The following MYO1B variants were observed in gnomAD, a reference collection of about 807,000 sequenced individuals.
The protein encoded by MYO1B is myosin IB.
Under a neutral mutation model 159.7 loss-of-function variants are expected in MYO1B, and 72 were observed. The ratio of observed to expected loss-of-function variants is 0.45; its 90% CI spans 0.37 to 0.55. The LOEUF (loss-of-function observed/expected upper bound fraction) is 0.55. Among genes scored for constraint, MYO1B ranks in the 20% least tolerant of loss-of-function variants. MYO1B has a pLI of 0.00. For synonymous variants in MYO1B, 468 were observed against 473.8 expected (o/e 0.99, Z 0.16); for missense variants, 1,062 against 1,364.8 (o/e 0.78, Z 3.50).
intron 3 of MYO1B, among the ~76,000 whole-genome samples, chr2:191,307,124 G>GTT (rs1689694324): frequency 1.3e-5 from 2 of 152,190 alleles, no homozygotes; most frequent in Non-Finnish European, 2.9e-5. Context: ...AGGGCTGCTG[G>GTT]TTGCCCATTT....
chr2:191,388,465 A>AG (rs1300018967), intron 17 of MYO1B, among the ~76,000 whole-genome samples: 15 of 152,200 alleles, frequency 9.9e-5, no homozygotes, highest in African/African-American at 3.6e-4. Flanking sequence ...GCACACCCAT[A>AG]CCCACAAGTA....
intron 3 of MYO1B, among the ~76,000 whole-genome samples, chr2:191,300,833 T>C (rs1479020001): frequency 6.6e-6 from 1 of 152,048 alleles, no homozygotes; most frequent in Non-Finnish European, 1.5e-5. Context: ...CAGATACTTT[T>C]GTAATTCATA....
intron 4 of MYO1B, among the ~76,000 whole-genome samples, chr2:191,339,040 G>A (rs1243128470): frequency 2.0e-5 from 3 of 152,146 alleles, no homozygotes; most frequent in Non-Finnish European, 2.9e-5. Flanking sequence ...GGTGGGGATG[G>A]GGAACAAAGA....
At chr2:191,349,614 T>G (rs1692784969) in intron 6 of MYO1B, among the ~76,000 whole-genome samples, 1 of 152,246 alleles carries the variant, frequency 6.6e-6, no homozygotes, top group South Asian at 2.1e-4. Context: ...ATATTGCTAT[T>G]ATAATCTGGG....
At chr2:191,274,289 T>C (rs1348339853) in intron 1 of MYO1B, among the ~76,000 whole-genome samples, 2 of 152,236 alleles carry the variant, frequency 1.3e-5, no homozygotes, top group African/African-American at 2.4e-5. Context: ...TTTTGCACTC[T>C]ATTCCTCTTT....
intron 23 of MYO1B, among the ~76,000 whole-genome samples, chr2:191,401,272 T>C (rs1286258458): frequency 6.6e-6 from 1 of 152,238 alleles, no homozygotes; most frequent in Non-Finnish European, 1.5e-5. Flanking sequence ...CTTAAAAATA[T>C]TAATTTATGA....
chr2:191,331,242 T>C (rs1236463706), intron 4 of MYO1B, among the ~76,000 whole-genome samples: 2 of 149,936 alleles, frequency 1.3e-5, no homozygotes, highest in Admixed American at 6.6e-5. Context: ...AGGACTGGCA[T>C]GTAAGAGCCT....
At chr2:191,308,491 G>C (rs942634180) in intron 3 of MYO1B, among the ~76,000 whole-genome samples, 1 of 152,100 alleles carries the variant, frequency 6.6e-6, no homozygotes, top group Non-Finnish European at 1.5e-5. Flanking sequence ...TTTGAGTGTT[G>C]TGTGCCCAGG....
At chr2:191,383,547 CATATAT>C (rs1177171872) in intron 15 of MYO1B, among the ~76,000 whole-genome samples, 3 of 14,508 alleles carry the variant, frequency 2.1e-4, no homozygotes, top group Non-Finnish European at 8.2e-4. Context: ...CACACACACA[CATATAT>C]ATATATGTTA....
chr2:191,359,928 G>A (rs1177301017), intron 7 of MYO1B, among the ~76,000 whole-genome samples: 2 of 152,132 alleles, frequency 1.3e-5, no homozygotes, highest in Admixed American at 1.3e-4. Flanking sequence ...GAAGACCTCA[G>A]ATTTATGGGT....
chr2:191,345,809 TC>T (rs1351075879), intron 5 of MYO1B, among the ~76,000 whole-genome samples: 2 of 152,170 alleles, frequency 1.3e-5, no homozygotes, highest in African/African-American at 4.8e-5. Context: ...CACATGCCAT[TC>T]CCCATGATCT....
At chr2:191,349,056 A>G (rs1459431195) in intron 6 of MYO1B, among the ~76,000 whole-genome samples, 1 of 152,176 alleles carries the variant, frequency 6.6e-6, no homozygotes, top group East Asian at 1.9e-4. Flanking sequence ...CTTCTTTGGC[A>G]TAGCACCAGG....
chr2:191,337,351 T>A (rs1691921889), intron 4 of MYO1B, among the ~76,000 whole-genome samples: 1 of 152,198 alleles, frequency 6.6e-6, no homozygotes, highest in African/African-American at 2.4e-5. Context: ...GTGCAAGGTG[T>A]CAGAGAATAC....
At chr2:191,264,279 T>C (rs1031556523) in intron 1 of MYO1B, among the ~76,000 whole-genome samples, 2 of 152,234 alleles carry the variant, frequency 1.3e-5, no homozygotes, top group Admixed American at 1.3e-4. Context: ...CTAATGTAAA[T>C]GTATAAATAT....
intron 1 of MYO1B, among the ~76,000 whole-genome samples, chr2:191,252,679 G>A (rs1686193563): frequency 1.3e-5 from 2 of 152,112 alleles, no homozygotes; most frequent in Non-Finnish European, 2.9e-5. Flanking sequence ...AACAGGGGAC[G>A]GATCTGAGAA....
At chr2:191,384,910 G>A (rs531991010) in intron 15 of MYO1B, among the ~76,000 whole-genome samples, 1 of 152,272 alleles carries the variant, frequency 6.6e-6, no homozygotes, top group South Asian at 2.1e-4. Context: ...TGTTTGTTCT[G>A]GGGATGTTAT....
In MYO1B at chr2:191,296,445, A is replaced by G. The variant is rs61613048; in HGVS notation, c.251+219A>G. ...AGACTTTTCTGAAATATTTGGATTC[A>G]GGATGTAAAATATTTTCTGTTCAAA... On this transcript the variant is annotated intron_variant, in intron 3 of 30. Coordinates refer to ENST00000392318, the MANE Select transcript of MYO1B (RefSeq NM_001130158.3). 9.5e-3 allele frequency among the ~76,000 whole-genome samples: 1,447 copies of G among 152,340 alleles called. 30 individuals are homozygous for G. Among genetic ancestry groups the G allele is most frequent in the African/African-American group, 0.033 (1,369 of 41,578 alleles).
intron 4 of MYO1B, among the ~76,000 whole-genome samples, chr2:191,337,631 T>TA (rs1691942221): frequency 6.6e-6 from 1 of 152,072 alleles, no homozygotes; most frequent in Admixed American, 6.6e-5. Context: ...AAGATTCAAG[T>TA]TACATTCAAA....
At chr2:191,351,899 A>T (rs1000630960) in intron 7 of MYO1B, among the ~76,000 whole-genome samples, 4 of 152,192 alleles carry the variant, frequency 2.6e-5, no homozygotes, top group Admixed American at 6.5e-5. Context: ...ATAAATAAAT[A>T]AATAAATAAG....
Sources: gnomAD v4.1 joint callset for allele counts (sites outside exome capture counted in the v4.1 genomes callset) on GRCh38, gnomAD v4.1.1 for gene constraint, MANE v1.5 for transcripts, NCBI Gene and HGNC (gene_info 2026-07-23, HGNC 2026-07-21) for gene names.